KHDRBS2: variants seen among roughly 807,000 people sequenced by gnomAD.
KHDRBS2 encodes the protein KH domain-containing, RNA-binding, signal transduction-associated protein 2.
KHDRBS2 carries 26 observed loss-of-function variants against 44.3 expected under a neutral mutation model. That is an observed-to-expected ratio of 0.59 (90% confidence interval 0.43 to 0.81). KHDRBS2 has a LOEUF of 0.81. Ranked by LOEUF, KHDRBS2 falls within the 40% of genes least tolerant of loss-of-function variation. KHDRBS2 has a pLI of 0.00. For missense variants in KHDRBS2, 476 were observed against 433.1 expected, an observed-to-expected ratio of 1.10 and a Z score of -0.88; for synonymous variants, 194 against 151.1, an observed-to-expected ratio of 1.28 and a Z score of -2.08.
chr6:61,723,581 AC>A (rs1450074108), intron 7 of KHDRBS2, among the ~76,000 whole-genome samples: 1 of 152,224 alleles, frequency 6.6e-6, no homozygotes, highest in African/African-American at 2.4e-5. Context: ...AAACAAAAAA[AC>A]AACAATACAG....
At chr6:62,058,144 A>G (rs1226589381) in intron 2 of KHDRBS2, among the ~76,000 whole-genome samples, 6 of 151,842 alleles carry the variant, frequency 4.0e-5, no homozygotes, top group Admixed American at 6.6e-5. Context: ...TCCTTTCTCA[A>G]ATAAGATAGG....
chr6:61,928,803 T>C (rs1282339187), intron 4 of KHDRBS2, among the ~76,000 whole-genome samples: 1 of 152,116 alleles, frequency 6.6e-6, no homozygotes, highest in East Asian at 1.9e-4. Flanking sequence ...TAATTTATGA[T>C]ATATCCCATA....
At chr6:61,561,061 ACG>A in the KHDRBS2 span, among the ~76,000 whole-genome samples, 2 of 152,256 alleles carry the variant, frequency 1.3e-5, no homozygotes, top group South Asian at 2.1e-4. Context: ...CCCAGTACCG[ACG>A]TGTCTCTTGC....
At chr6:62,278,484 T>C (rs1177643456) in intron 1 of KHDRBS2, among the ~76,000 whole-genome samples, 3 of 152,138 alleles carry the variant, frequency 2.0e-5, no homozygotes, top group Admixed American at 2.0e-4. Context: ...ACTGTGTCCA[T>C]TATCTAGATG....
intron 7 of KHDRBS2, among the ~76,000 whole-genome samples, chr6:61,699,301 T>C (rs2127544916): frequency 6.6e-6 from 1 of 152,206 alleles, no homozygotes; most frequent in Admixed American, 6.6e-5. Context: ...TTAATTATTA[T>C]TGGGCTAATT....
intron 3 of KHDRBS2, among the ~76,000 whole-genome samples, chr6:61,985,675 C>T (rs766557090): frequency 2.6e-5 from 4 of 151,988 alleles, no homozygotes; most frequent in African/African-American, 4.8e-5. Context: ...TCAGGTGAGA[C>T]GATAATGTTC....
chr6:61,880,800 C>T (rs899070937), intron 6 of KHDRBS2, among the ~76,000 whole-genome samples: 3 of 151,836 alleles, frequency 2.0e-5, no homozygotes, highest in Non-Finnish European at 4.4e-5. Flanking sequence ...TGGGTGAAGT[C>T]TTAGAAAGAA....
At chr6:62,117,632 T>G (rs1806585990) in intron 2 of KHDRBS2, among the ~76,000 whole-genome samples, 1 of 152,154 alleles carries the variant, frequency 6.6e-6, no homozygotes, top group Admixed American at 6.6e-5. Flanking sequence ...TCTATATTTT[T>G]GCTCCTGTTA....
chr6:62,235,279 T>A (rs187572413), intron 1 of KHDRBS2, among the ~76,000 whole-genome samples: 70 of 152,118 alleles, frequency 4.6e-4, no homozygotes, highest in Non-Finnish European at 8.2e-4. Context: ...ATTCTTATAC[T>A]GTTAGATCTT....
intron 4 of KHDRBS2, among the ~76,000 whole-genome samples, chr6:61,967,031 A>T (rs1158067129): frequency 6.6e-6 from 1 of 151,820 alleles, no homozygotes; most frequent in Admixed American, 6.6e-5. Context: ...AAAATTATGT[A>T]TATTTTTAAC....
At chr6:62,057,897 C>T (rs1308186210) in intron 2 of KHDRBS2, among the ~76,000 whole-genome samples, 1 of 151,698 alleles carries the variant, frequency 6.6e-6, no homozygotes, top group East Asian at 1.9e-4. Flanking sequence ...TAATTGGTGG[C>T]AAAACGAGTG....
chr6:61,696,460 T>C (rs1336837646), intron 8 of KHDRBS2, among the ~76,000 whole-genome samples: 1 of 151,852 alleles, frequency 6.6e-6, no homozygotes, highest in African/African-American at 2.4e-5. Context: ...GGTTTCACCA[T>C]GTTGGCCAAG....
chr6:61,999,959 A>G (rs1480656083), intron 3 of KHDRBS2, among the ~76,000 whole-genome samples: 1 of 152,180 alleles, frequency 6.6e-6, no homozygotes, highest in Non-Finnish European at 1.5e-5. Context: ...CTACTATAAT[A>G]GCAAAACAAA....
intron 1 of KHDRBS2, among the ~76,000 whole-genome samples, chr6:62,278,179 T>C (rs561933445): frequency 6.6e-6 from 1 of 152,310 alleles, no homozygotes; most frequent in South Asian, 2.1e-4. Flanking sequence ...TGCCAGAATA[T>C]AATTCCAATG....
At chr6:61,722,997 C>T (rs540319161) in intron 7 of KHDRBS2, among the ~76,000 whole-genome samples, 52 of 152,166 alleles carry the variant, frequency 3.4e-4, no homozygotes, top group Non-Finnish European at 5.3e-4. Flanking sequence ...GCATGAGCTG[C>T]GGCGAGGAAG....
At chr6:62,155,790 A>G (rs1280461370) in intron 2 of KHDRBS2, among the ~76,000 whole-genome samples, 3 of 152,246 alleles carry the variant, frequency 2.0e-5, no homozygotes, top group Non-Finnish European at 2.9e-5. Context: ...CAAAAATACA[A>G]GAGTTCACAT....
intron 1 of KHDRBS2, among the ~76,000 whole-genome samples, chr6:62,220,047 G>A (rs560484913): frequency 7.3e-5 from 11 of 150,982 alleles, no homozygotes; most frequent in Middle Eastern, 6.9e-3. Context: ...CTATAAGTAG[G>A]GAAAAAAGAA....
intron 2 of KHDRBS2, among the ~76,000 whole-genome samples, chr6:62,109,669 T>C (rs1804535148): frequency 6.6e-6 from 1 of 151,636 alleles, no homozygotes; most frequent in Non-Finnish European, 1.5e-5. Flanking sequence ...CCAGTTACAA[T>C]AGCATCTAAA....
chr6:61,566,585 G>T, the KHDRBS2 span, among the ~76,000 whole-genome samples: 4 of 151,998 alleles, frequency 2.6e-5, no homozygotes, highest in South Asian at 2.1e-4. Flanking sequence ...TTTGACCTAC[G>T]CCCAGGAATG....
Sources: gnomAD v4.1 joint callset for allele counts (sites outside exome capture counted in the v4.1 genomes callset) on GRCh38, gnomAD v4.1.1 for gene constraint, MANE v1.5 for transcripts, NCBI Gene and HGNC (gene_info 2026-07-23, HGNC 2026-07-21) for gene names.